The following HCN1 variants were observed in gnomAD, a reference collection of about 807,000 sequenced individuals.
The protein encoded by HCN1 is hyperpolarization activated cyclic nucleotide gated potassium channel 1, also known as potassium/sodium hyperpolarization-activated cyclic nucleotide-gated channel 1.
In HCN1, 13 loss-of-function variants were observed where a neutral mutation model predicts 78.9. That is an observed-to-expected ratio of 0.16 (90% confidence interval 0.11 to 0.26). The LOEUF (loss-of-function observed/expected upper bound fraction) is 0.26, where lower values mean the gene tolerates loss of function less well. Ranked by LOEUF, HCN1 falls within the 10% of genes least tolerant of loss-of-function variation. The pLI is 1.00. For synonymous variants in HCN1, 552 were observed against 455.5 expected (o/e 1.21, Z -2.70); for missense variants, 810 against 1,154.3 (o/e 0.70, Z 4.32).
chr5:45,532,012 C>G (rs1456699730), intron 2 of HCN1, among the ~76,000 whole-genome samples: 2 of 152,178 alleles, frequency 1.3e-5, no homozygotes, highest in African/African-American at 4.8e-5. Flanking sequence ...TGCACTCCAG[C>G]CTGGGCGACA....
At chr5:45,414,382 T>C (rs1378110775) in intron 3 of HCN1, among the ~76,000 whole-genome samples, 1 of 152,046 alleles carries the variant, frequency 6.6e-6, no homozygotes, top group African/African-American at 2.4e-5. Flanking sequence ...AAAAGAGGCC[T>C]CTCTCTTGAC....
At chr5:45,572,720 T>C (rs565690673) in intron 2 of HCN1, among the ~76,000 whole-genome samples, 1 of 152,318 alleles carries the variant, frequency 6.6e-6, no homozygotes, top group Admixed American at 6.5e-5. Flanking sequence ...TCTGTATTCA[T>C]TAATTTGTTT....
intron 5 of HCN1, among the ~76,000 whole-genome samples, chr5:45,339,015 C>A (rs1228222805): frequency 6.6e-6 from 1 of 152,138 alleles, no homozygotes; most frequent in Non-Finnish European, 1.5e-5. Context: ...AGTAGGGAAG[C>A]ACATGGAGAA....
intron 2 of HCN1, among the ~76,000 whole-genome samples, chr5:45,536,836 G>A (rs193168508): frequency 2.0e-4 from 31 of 152,206 alleles, no homozygotes; most frequent in Non-Finnish European, 4.0e-4. Flanking sequence ...GGTCAATTTC[G>A]CTAAACTAGA....
At chr5:45,453,357 A>G (rs776589790) in intron 3 of HCN1, among the ~76,000 whole-genome samples, 15 of 152,102 alleles carry the variant, frequency 9.9e-5, no homozygotes, top group Non-Finnish European at 1.8e-4. Flanking sequence ...TGAAACGTAA[A>G]TATATGAGGA....
chr5:45,396,560 T>G lies in HCN1; in HGVS notation c.1162A>C (p.Met388Leu). Residue 388 changes from methionine to leucine, a missense_variant, in exon 4 of 8, where the codon ATG (methionine) becomes CTG (leucine). This residue lies in a region of HCN1 where 104 missense variants were observed against 402.8 expected (regional missense o/e 0.26). Coordinates refer to ENST00000303230, the MANE Select transcript of HCN1 (RefSeq NM_021072.4). ...AAAGCGGTGGCATGGCCGACAAACA[T>G]GGCATAGCAGGTGGCCCCGACGATC... ...SMIVGATCYA[M>L]FVGHATALIQ... 1 of 1,613,826 alleles carries G rather than the reference T, an allele frequency of 6.2e-7. No individual in the cohort carries two copies. Among genetic ancestry groups the G allele is most frequent in the Non-Finnish European group, 8.5e-7 (1 of 1,179,878 alleles).
chr5:45,565,147 A>C (rs182454160), intron 2 of HCN1, among the ~76,000 whole-genome samples: 5 of 152,334 alleles, frequency 3.3e-5, no homozygotes, highest in Admixed American at 3.3e-4. Context: ...GAGTAATGAT[A>C]AACAGGGTAG....
At position 45,627,599 on chromosome 5, in the gene HCN1, C is replaced by T. The variant is rs538094478; in HGVS notation, c.849+17586G>A. On this transcript the variant is annotated intron_variant, in intron 2 of 7. Transcript: ENST00000303230. ...CAGTAGATGGCAAATTTTTAAGTCACTTTTTGTCAAAATAATACCTATCAT... is the reference window on the plus strand; with the variant it reads ...CAGTAGATGGCAAATTTTTAAGTCATTTTTTGTCAAAATAATACCTATCAT... 3.9e-5 allele frequency among the ~76,000 whole-genome samples: 6 copies of T among 152,260 alleles called. No individual in the cohort carries two copies. In the South Asian group the frequency reaches 1.2e-3, roughly 32 times the overall value.
chr5:45,641,446 G>C (rs1188856629), intron 2 of HCN1, among the ~76,000 whole-genome samples: 1 of 152,068 alleles, frequency 6.6e-6, no homozygotes, highest in African/African-American at 2.4e-5. Flanking sequence ...AATTGCTATA[G>C]ATACAAAAGA....
chr5:45,343,474 G>A (rs1309114001), intron 5 of HCN1, among the ~76,000 whole-genome samples: 1 of 152,188 alleles, frequency 6.6e-6, no homozygotes, highest in Non-Finnish European at 1.5e-5. Context: ...AGGCATGAAT[G>A]TAAGATGTAT....
intron 2 of HCN1, among the ~76,000 whole-genome samples, chr5:45,485,446 CTT>C (rs1741737147): frequency 6.6e-6 from 1 of 152,054 alleles, no homozygotes; most frequent in Admixed American, 6.6e-5. Context: ...TGGAAGCAAA[CTT>C]AAATTTTCCT....
intron 2 of HCN1, among the ~76,000 whole-genome samples, chr5:45,573,741 T>C (rs1290815059): frequency 6.6e-6 from 1 of 152,174 alleles, no homozygotes; most frequent in Admixed American, 6.6e-5. Context: ...CTATTATTAC[T>C]GACTGCTGAC....
chr5:45,496,125 T>G (rs1742021987), intron 2 of HCN1, among the ~76,000 whole-genome samples: 1 of 152,144 alleles, frequency 6.6e-6, no homozygotes, highest in African/African-American at 2.4e-5. Flanking sequence ...TAAAATGAGT[T>G]AGGGAGGATT....
rs2111846632 is a variant in HCN1, at chr5:45,267,081, T to C, written c.1783+8A>G. The C allele has an allele frequency of 1.2e-6, 2 of 1,607,848 alleles. No individual in the cohort carries two copies. Among genetic ancestry groups the C allele is most frequent in the Non-Finnish European group, 8.5e-7 (1 of 1,174,392 alleles). On this transcript the variant is annotated splice_region_variant and intron_variant, in intron 7 of 7. Coordinates refer to ENST00000303230, the MANE Select transcript of HCN1 (RefSeq NM_021072.4). ...ATTTTATATAAAGAAGGTAGAAAAC[T>C]AGAGTACCTATTCGATCTAGTCGGT... is the stretch of plus-strand genomic sequence containing the variant.
rs1450228915 is a variant in HCN1, at chr5:45,658,672, C to T, written c.426-13064G>A. ...GCAAGGGGTCAGGGAGTTCCCTTTC[C>T]GAGTCAAAGAAAGGGGTGAGGGACG... On this transcript the variant is annotated intron_variant, in intron 1 of 7. Coordinates refer to ENST00000303230, the MANE Select transcript of HCN1 (RefSeq NM_021072.4). Among the ~76,000 whole-genome samples the T allele has an allele frequency of 6.6e-5, 10 of 151,540 alleles. 1 individual carries two copies. The highest frequency in any genetic ancestry group is 4.4e-5 in the Non-Finnish European group (3 of 67,888).
chr5:45,353,545 G>A (rs1746952691), intron 4 of HCN1, among the ~76,000 whole-genome samples: 1 of 151,700 alleles, frequency 6.6e-6, no homozygotes, highest in South Asian at 2.1e-4. Flanking sequence ...CCAGTGATGG[G>A]GCAAAAACAA....
intron 2 of HCN1, among the ~76,000 whole-genome samples, chr5:45,599,608 T>A (rs550474022): frequency 5.8e-4 from 89 of 152,218 alleles, no homozygotes; most frequent in Non-Finnish European, 1.1e-3. Context: ...CAAAAGATAA[T>A]CACTGTAAGT....
chr5:45,330,608 A>T (rs1033378803), intron 5 of HCN1, among the ~76,000 whole-genome samples: 1 of 150,904 alleles, frequency 6.6e-6, no homozygotes, highest in Non-Finnish European at 1.5e-5. Context: ...AGTTTAAATG[A>T]CTCATCAATA....
At chr5:45,275,546 A>G (rs2111859481) in intron 6 of HCN1, among the ~76,000 whole-genome samples, 1 of 152,200 alleles carries the variant, frequency 6.6e-6, no homozygotes, top group East Asian at 1.9e-4. Context: ...CCTCTTCTTT[A>G]TCTGTGTCTT....
Sources: gnomAD v4.1 joint callset for allele counts (sites outside exome capture counted in the v4.1 genomes callset) on GRCh38, gnomAD v4.1.1 for gene constraint, gnomAD v4.1.1 regional missense constraint, MANE v1.5 for transcripts, NCBI Gene and HGNC (gene_info 2026-07-23, HGNC 2026-07-21) for gene names.